The following IQSEC3 variants were observed in gnomAD, a reference collection of about 807,000 sequenced individuals.
IQSEC3 encodes the protein IQ motif and Sec7 domain ArfGEF 3.
IQSEC3 carries 50 observed loss-of-function variants against 105.4 expected under a neutral mutation model. That is an observed-to-expected ratio of 0.47 (90% CI 0.38 to 0.60). IQSEC3 has a LOEUF of 0.60. Among genes scored for constraint, IQSEC3 ranks in the 20% least tolerant of loss-of-function variants. The pLI, the probability that IQSEC3 is intolerant of heterozygous loss-of-function variation, is 0.00. For synonymous variants in IQSEC3, 708 were observed against 746.0 expected (o/e 0.95, Z 0.83); for missense variants, 1,415 against 1,630.0 (o/e 0.87, Z 2.27).
intron 2 of IQSEC3, among the ~76,000 whole-genome samples, chr12:104,249 G>C (rs778295939): frequency 2.2e-4 from 33 of 152,096 alleles, no homozygotes; most frequent in Non-Finnish European, 4.7e-4. Flanking sequence ...ATTATTTCTG[G>C]AGCTGGACAG....
At chr12:86,599 T>C (rs928442922) in intron 1 of IQSEC3, among the ~76,000 whole-genome samples, 1 of 152,080 alleles carries the variant, frequency 6.6e-6, no homozygotes, top group Non-Finnish European at 1.5e-5. Flanking sequence ...CAGGCAAAGA[T>C]ATTAACAGGA....
chr12:173,760 C>A (rs1939129500), intron 13 of IQSEC3, among the ~76,000 whole-genome samples: 3 of 152,306 alleles, frequency 2.0e-5, no homozygotes, highest in Admixed American at 2.0e-4. Context: ...CTTCCAGAAT[C>A]CTCTAGCCTC....
chr12:113,700 G>T (rs1264876392), intron 2 of IQSEC3, among the ~76,000 whole-genome samples: 1 of 152,178 alleles, frequency 6.6e-6, no homozygotes, highest in Admixed American at 6.5e-5. Context: ...ATGAATTTAC[G>T]AATTTGTAAT....
chr12:110,832 C>A (rs1334712538), intron 2 of IQSEC3, among the ~76,000 whole-genome samples: 3 of 152,148 alleles, frequency 2.0e-5, no homozygotes, highest in African/African-American at 7.2e-5. Context: ...ACCCAACAAA[C>A]CCAACTCCTC....
At position 125,821 on chromosome 12, in the gene IQSEC3, G is replaced by C; in HGVS notation, c.812G>C (p.Gly271Ala). 6.5e-7 allele frequency: 1 copy of C among 1,529,042 alleles called. No homozygotes were observed. Among genetic ancestry groups the C allele is most frequent in the Non-Finnish European group, 8.7e-7 (1 of 1,144,334 alleles). The allele number at this position is 1,529,042 out of a possible 1,614,324, so 94.7% of individuals were successfully genotyped here. The change falls in exon 3 of 14, where the codon GGC becomes GCC. Residue 271 changes from glycine (G) to alanine (A), a missense_variant. Transcript: ENST00000538872. Reference sequence around the variant, plus strand: ...GGCCCCCAGCACAAGGCCTCCCCCGGCCGGCAGCAGCCTGCCCTGGCGACG... The same window carrying C: ...GGCCCCCAGCACAAGGCCTCCCCCGCCCGGCAGCAGCCTGCCCTGGCGACG... ...RAGPQHKASP[G>A]RQQPALATAL...
rs1340865759 is a variant in IQSEC3 at position 160,366 on chromosome 12, G to A, written c.2444-1560G>A. 3.9e-5 allele frequency among the ~76,000 whole-genome samples: 6 copies of A among 152,048 alleles called. No homozygotes were observed. The East Asian group carries it at 5.8e-4, about 15-fold the overall frequency. ...GGTGATTTACTTAAGGCATTTCACC[G>A]GGAGACCCTACTGCAGTATCTGGAG... is the stretch of plus-strand genomic sequence containing the variant. On this transcript the variant is annotated intron_variant, in intron 7 of 13. Coordinates refer to ENST00000538872, the MANE Select transcript of IQSEC3 (RefSeq NM_001170738.2).
rs188559868 is a variant in IQSEC3, at chr12:86,657, A to G, written c.555-12489A>G. Among the ~76,000 whole-genome samples the G allele has an allele frequency of 9.9e-5, 15 of 152,228 alleles. No individual in the cohort carries two copies. In the East Asian group the frequency reaches 2.9e-3, roughly 29 times the overall value. The stretch of plus-strand genomic sequence containing the variant: ...ACTCCAGACAGCTCCTGCCTACCCC[A>G]TATCAGCGCACGGCCTAGTACAAGC... On this transcript the variant is annotated intron_variant, in intron 1 of 13. Coordinates refer to ENST00000538872, the MANE Select transcript of IQSEC3 (RefSeq NM_001170738.2).
At chr12:127,874 T>C (rs1403451911) in intron 3 of IQSEC3, among the ~76,000 whole-genome samples, 1 of 152,214 alleles carries the variant, frequency 6.6e-6, no homozygotes, top group Non-Finnish European at 1.5e-5. Flanking sequence ...AGGAGCTCTT[T>C]AGTTTAATTA....
In IQSEC3 at chr12:125,731, C is replaced by T. The variant is rs372002720; in HGVS notation, c.722C>T (p.Ala241Val). 77 of 1,527,904 alleles carry T rather than the reference C, an allele frequency of 5.0e-5. No homozygotes were observed. The African/African-American group carries it at 1.0e-3, about 20-fold the overall frequency. The allele number at this position is 1,527,904 out of a possible 1,614,324, so 94.6% of individuals were successfully genotyped here. A position where few individuals can be genotyped will look rare whatever the true frequency, so the allele number is the denominator to read the frequency against. The stretch of plus-strand genomic sequence containing the variant: ...AGACCCAGTGCCCATGCCCCGAAGG[C>T]TCAAGCCCAGGAGCTGCAGGAGGAG... ...AGRPSAHAPK[A>V]QAQELQEEEE... Residue 241 changes from alanine (A) to valine (V), a missense_variant, in exon 3 of 14, where the codon GCT becomes GTT. Coordinates refer to ENST00000538872, the MANE Select transcript of IQSEC3 (RefSeq NM_001170738.2).
chr12:172,010 T>C (rs1327713069), intron 13 of IQSEC3, among the ~76,000 whole-genome samples: 1 of 152,002 alleles, frequency 6.6e-6, no homozygotes, highest in Non-Finnish European at 1.5e-5. Context: ...CTGGGTCCTC[T>C]TGCACCCCAG....
intron 5 of IQSEC3, among the ~76,000 whole-genome samples, chr12:153,381 G>A (rs782807859): frequency 5.3e-5 from 8 of 152,258 alleles, no homozygotes; most frequent in Non-Finnish European, 1.0e-4. Flanking sequence ...GCCCCCTGCC[G>A]TTGGGAGCGT....
chr12:86,809 G>T (rs1160489990), intron 1 of IQSEC3, among the ~76,000 whole-genome samples: 2 of 152,090 alleles, frequency 1.3e-5, no homozygotes, highest in East Asian at 3.9e-4. Context: ...CAGTTCAGGA[G>T]ACCGAGGCTG....
chr12:108,895 G>A (rs375474105), intron 2 of IQSEC3, among the ~76,000 whole-genome samples: 3 of 152,374 alleles, frequency 2.0e-5, no homozygotes, highest in African/African-American at 2.4e-5. Flanking sequence ...GAGCTGCACT[G>A]TTTGTATTCC....
chr12:97,573 A>T (rs1253796367), intron 1 of IQSEC3, among the ~76,000 whole-genome samples: 1 of 152,182 alleles, frequency 6.6e-6, no homozygotes, highest in Non-Finnish European at 1.5e-5. Flanking sequence ...CCAGTGCTTT[A>T]GGAGGCCAAG....
At chr12:115,224 T>G (rs957657090) in intron 2 of IQSEC3, among the ~76,000 whole-genome samples, 1 of 152,192 alleles carries the variant, frequency 6.6e-6, no homozygotes, top group Non-Finnish European at 1.5e-5. Context: ...CACCTGTAGG[T>G]CATCAGATTT....
intron 1 of IQSEC3, 66 bp from the exon 2 acceptor site, chr12:99,080 A>T: frequency 7.1e-7 from 1 of 1,409,338 alleles, no homozygotes; most frequent in Non-Finnish European, 9.7e-7. Context: ...GAAATGCTTT[A>T]GTGTCAGGCA....
intron 5 of IQSEC3, among the ~76,000 whole-genome samples, chr12:145,852 T>G (rs559789998): frequency 6.6e-6 from 1 of 152,348 alleles, no homozygotes; most frequent in African/African-American, 2.4e-5. Flanking sequence ...GTGAGCGGCC[T>G]CTTTCTGGCC....
intron 3 of IQSEC3, among the ~76,000 whole-genome samples, chr12:131,924 G>A (rs1865614764): frequency 1.3e-5 from 2 of 152,234 alleles, no homozygotes; most frequent in South Asian, 4.1e-4. Context: ...CTCCATGCCA[G>A]TTAAGGTGCT....
chr12:87,019 G>T (rs1321122550), intron 1 of IQSEC3, among the ~76,000 whole-genome samples: 1 of 152,072 alleles, frequency 6.6e-6, no homozygotes, highest in Admixed American at 6.5e-5. Flanking sequence ...GCTATATGCA[G>T]GTGCACTCCT....
Sources: gnomAD v4.1 joint callset for allele counts (sites outside exome capture counted in the v4.1 genomes callset) on GRCh38, gnomAD v4.1.1 for gene constraint, MANE v1.5 for transcripts, NCBI Gene and HGNC (gene_info 2026-07-23, HGNC 2026-07-21) for gene names.